The following STEAP4 variants were observed in gnomAD, a reference collection of about 807,000 sequenced individuals.
STEAP4 encodes the protein STEAP4 metalloreductase.
Under a neutral mutation model 43.6 loss-of-function variants are expected in STEAP4, and 36 were observed. That is an observed-to-expected ratio of 0.83 (90% CI 0.63 to 1.09). The LOEUF (loss-of-function observed/expected upper bound fraction) is 1.09. STEAP4 is among the 50% of genes least tolerant of loss of function. STEAP4 has a pLI of 0.00. For missense variants in STEAP4, 495 were observed against 546.5 expected (o/e 0.91, Z 0.94); for synonymous variants, 191 against 196.7 (o/e 0.97, Z 0.24).
At chr7:88,279,711 T>C in intron 4 of STEAP4, 83 bp from the exon 5 acceptor site, 1 of 1,173,210 alleles carries the variant, frequency 8.5e-7, no homozygotes, top group Non-Finnish European at 1.2e-6. Context: ...CAGATATTTG[T>C]CAACAACCAC....
chr7:88,289,370 T>G (rs1274092401), intron 1 of STEAP4, among the ~76,000 whole-genome samples: 2 of 152,136 alleles, frequency 1.3e-5, no homozygotes, highest in African/African-American at 4.8e-5. Flanking sequence ...CCCAAATGGG[T>G]TGAAAGTAAA....
At chr7:88,303,630 A>G (rs1401100321) in intron 1 of STEAP4, among the ~76,000 whole-genome samples, 1 of 152,174 alleles carries the variant, frequency 6.6e-6, no homozygotes, top group Non-Finnish European at 1.5e-5. Context: ...TTAGATTGGG[A>G]TGTCAATGTC....
chr7:88,293,891 T>A (rs901175131), intron 1 of STEAP4, among the ~76,000 whole-genome samples: 1 of 152,134 alleles, frequency 6.6e-6, no homozygotes, highest in Non-Finnish European at 1.5e-5. Flanking sequence ...CTATGTTTTT[T>A]TTTGAAAACT....
rs1852474422 is a variant in STEAP4, at chr7:88,273,853, C to A, written c.*5545G>T. The A allele has an allele frequency of 6.6e-6, 1 of 152,152 alleles. No individual in the cohort carries two copies. The highest frequency in any genetic ancestry group is 6.5e-5 in the Admixed American group (1 of 15,268). The allele number at this position is 152,152 out of a possible 1,614,324, so 9.4% of individuals were successfully genotyped here. The stretch of plus-strand genomic sequence containing the variant: ...ATGGAATTGAACTTAATGCGGGAAC[C>A]ACAGATCCTGTGTTTCTACAACCTT... On this transcript the variant is annotated 3_prime_UTR_variant, in exon 5 of 5. Coordinates refer to ENST00000380079, the MANE Select transcript of STEAP4 (RefSeq NM_024636.4).
intron 1 of STEAP4, among the ~76,000 whole-genome samples, chr7:88,303,575 C>T (rs1853076966): frequency 6.6e-6 from 1 of 152,050 alleles, no homozygotes; most frequent in South Asian, 2.1e-4. Context: ...TAAACCTCTC[C>T]ACACATGGCT....
In STEAP4 at chr7:88,275,518, A is replaced by G. The variant is rs1852500334; in HGVS notation, c.*3880T>C. On this transcript the variant is annotated 3_prime_UTR_variant, in exon 5 of 5. Coordinates refer to ENST00000380079, the MANE Select transcript of STEAP4 (RefSeq NM_024636.4). ...TACTGAACAAACCTTTAGAAGAGTG[A>G]AGGATTTTTCTAGAATGTAAACCTA... 6.6e-6 allele frequency: 1 copy of G among 152,126 alleles called. No individual in the cohort carries two copies. Among genetic ancestry groups the G allele is most frequent in the African/African-American group, 2.4e-5 (1 of 41,412 alleles). 9.4% of individuals were successfully genotyped at this position (152,126 alleles called of 1,614,324 possible). A position where few individuals can be genotyped will look rare whatever the true frequency, so the allele number is the denominator to read the frequency against.
intron 1 of STEAP4, 96 bp from the exon 2 acceptor site, chr7:88,284,367 G>A (rs1852688327): frequency 1.1e-6 from 1 of 897,262 alleles, no homozygotes; most frequent in South Asian, 1.9e-5. Context: ...TAATTGACTT[G>A]TTGTAATCTA....
chr7:88,298,466 A>AACACACACACACACACACAC (rs35424721), intron 1 of STEAP4: 1 of 141,318 alleles, frequency 7.1e-6, no homozygotes, highest in Non-Finnish European at 1.5e-5. Context: ...GGTTCTTGTA[A>AACACACACACACACACACAC]ACACACACAC....
At chr7:88,283,449 T>G in intron 2 of STEAP4, 1 of 480,574 alleles carries the variant, frequency 2.1e-6, no homozygotes, top group Non-Finnish European at 3.6e-6. Flanking sequence ...TCTTCTGTGT[T>G]TGTGGTGCCG....
chr7:88,286,028 G>A (rs1464811715), intron 1 of STEAP4, among the ~76,000 whole-genome samples: 2 of 152,070 alleles, frequency 1.3e-5, no homozygotes, highest in Non-Finnish European at 2.9e-5. Flanking sequence ...TTATTTTAAT[G>A]TCATAATCTC....
chr7:88,273,815 A>C lies in STEAP4; in HGVS notation c.*5583T>G, dbSNP rs999136423. 1 of 152,212 alleles carries C rather than the reference A, an allele frequency of 6.6e-6. No individual in the cohort carries two copies. The highest frequency in any genetic ancestry group is 1.5e-5 in the Non-Finnish European group (1 of 68,052). 9.4% of individuals were successfully genotyped at this position (152,212 alleles called of 1,614,324 possible). ...GGCCAGACTAGAGTGGGAAGATTAA[A>C]ATGGCAATTGCAATGGAATTGAACT... On this transcript the variant is annotated 3_prime_UTR_variant, in exon 5 of 5. Coordinates refer to ENST00000380079, the MANE Select transcript of STEAP4 (RefSeq NM_024636.4).
chr7:88,283,462 T>C (rs1852666857), intron 2 of STEAP4: 2 of 475,410 alleles, frequency 4.2e-6, no homozygotes, highest in Admixed American at 7.8e-5. Context: ...TGGTGCCGCA[T>C]CACTTATGAA....
At chr7:88,283,495 A>C in intron 2 of STEAP4, 1 of 486,308 alleles carries the variant, frequency 2.1e-6, no homozygotes, top group Non-Finnish European at 3.6e-6. Context: ...CAGTGTATAA[A>C]TGGAACCAGT....
rs1450796149 is a variant in STEAP4 at position 88,272,022 on chromosome 7, G to C, written c.*7376C>G. On this transcript the variant is annotated 3_prime_UTR_variant, in exon 5 of 5. Transcript: ENST00000380079. ...CCAGCTGGTTGGTGTAGTAGTTGTA[G>C]TTGGCACTGCCAACTACGAGTTCCT... is the stretch of plus-strand genomic sequence containing the variant. 6.6e-6 allele frequency: 1 copy of C among 152,174 alleles called. No homozygotes were observed. Among genetic ancestry groups the C allele is most frequent in the East Asian group, 1.9e-4 (1 of 5,196 alleles). The allele number at this position is 152,174 out of a possible 1,614,324, so 9.4% of individuals were successfully genotyped here.
Position 88,277,982 on chromosome 7 carries a change from A to G in STEAP4, c.*1416T>C, listed in dbSNP as rs1159949326. Reference sequence around the variant, plus strand: ...TATTTTTAAAAAGTTTTATAGAAAAATATCCTGGATTGTTGATGTTGTTTT... The same window carrying G: ...TATTTTTAAAAAGTTTTATAGAAAAGTATCCTGGATTGTTGATGTTGTTTT... On this transcript the variant is annotated 3_prime_UTR_variant, in exon 5 of 5. Transcript: ENST00000380079. 6.6e-6 allele frequency: 1 copy of G among 152,012 alleles called. No homozygotes were observed. Among genetic ancestry groups the G allele is most frequent in the Admixed American group, 6.5e-5 (1 of 15,272 alleles). 9.4% of individuals were successfully genotyped at this position (152,012 alleles called of 1,614,324 possible).
chr7:88,279,736 T>C (rs555711181), intron 4 of STEAP4, 108 bp from the exon 5 acceptor site: 15 of 917,968 alleles, frequency 1.6e-5, no homozygotes, highest in Admixed American at 2.5e-5. Context: ...ATTTGAGACC[T>C]ATAATGTTTA....
At chr7:88,306,025 C>T (rs1189497274) in intron 1 of STEAP4, among the ~76,000 whole-genome samples, 2 of 152,154 alleles carry the variant, frequency 1.3e-5, no homozygotes, top group East Asian at 1.9e-4. Flanking sequence ...CCTGCCACCA[C>T]GCCTGGCTAA....
intron 1 of STEAP4, among the ~76,000 whole-genome samples, chr7:88,305,879 T>C (rs1387613914): frequency 2.0e-5 from 3 of 152,190 alleles, no homozygotes; most frequent in East Asian, 3.8e-4. Flanking sequence ...CTAGTTATTA[T>C]AGAACTAGGA....
chr7:88,291,286 C>T (rs1315552664), intron 1 of STEAP4, among the ~76,000 whole-genome samples: 2 of 151,872 alleles, frequency 1.3e-5, no homozygotes, highest in African/African-American at 2.4e-5. Context: ...GAGCTCGAGA[C>T]CAGCTTGGCC....
Sources: gnomAD v4.1 joint callset for allele counts (sites outside exome capture counted in the v4.1 genomes callset) on GRCh38, gnomAD v4.1.1 for gene constraint, MANE v1.5 for transcripts, NCBI Gene and HGNC (gene_info 2026-07-23, HGNC 2026-07-21) for gene names.